The following ZCWPW2 variants were observed in gnomAD, a reference collection of about 807,000 sequenced individuals.
ZCWPW2 encodes the protein zinc finger CW-type PWWP domain protein 2.
A neutral mutation model predicts 46.6 loss-of-function variants in ZCWPW2; 45 were observed. The ratio of observed to expected loss-of-function variants is 0.96; its 90% CI spans 0.76 to 1.24. The LOEUF (loss-of-function observed/expected upper bound fraction) is 1.24. Ranked by LOEUF, ZCWPW2 falls within the 50% of genes most tolerant of loss-of-function variation. ZCWPW2 has a pLI of 0.00. For missense variants in ZCWPW2, 429 were observed against 403.9 expected, an observed-to-expected ratio of 1.06 and a Z score of -0.53; for synonymous variants, 152 against 137.1, an observed-to-expected ratio of 1.11 and a Z score of -0.76.
intron 6 of ZCWPW2, among the ~76,000 whole-genome samples, chr3:28,501,426 G>A (rs79342021): frequency 0.011 from 1,644 of 152,200 alleles, 30 homozygotes; most frequent in African/African-American, 0.038. Flanking sequence ...CACCTAGTGC[G>A]AGTGACTCCA....
chr3:28,420,683 T>C (rs1430752330), intron 3 of ZCWPW2, among the ~76,000 whole-genome samples: 3 of 152,118 alleles, frequency 2.0e-5, no homozygotes, highest in Admixed American at 6.6e-5. Flanking sequence ...GCTGCTGTGA[T>C]AAGCTTTCAC....
chr3:28,360,513 A>C (rs904495111), intron 1 of ZCWPW2, among the ~76,000 whole-genome samples: 1 of 150,602 alleles, frequency 6.6e-6, no homozygotes, highest in Non-Finnish European at 1.5e-5. Context: ...ACAGAGCAAG[A>C]CTTTGTCTGA....
intron 6 of ZCWPW2, among the ~76,000 whole-genome samples, chr3:28,500,816 T>C (rs1279877233): frequency 6.6e-6 from 1 of 152,166 alleles, no homozygotes; most frequent in Non-Finnish European, 1.5e-5. Context: ...ATAAATATAT[T>C]ATAGCAGATT....
intron 3 of ZCWPW2, among the ~76,000 whole-genome samples, chr3:28,430,211 G>C (rs1697198147): frequency 6.6e-6 from 1 of 152,250 alleles, no homozygotes; most frequent in African/African-American, 2.4e-5. Flanking sequence ...CAGGGGTGGA[G>C]CTGCCCAAGG....
intron 2 of ZCWPW2, among the ~76,000 whole-genome samples, chr3:28,394,803 C>T (rs1575084919): frequency 1.3e-5 from 2 of 152,090 alleles, no homozygotes; most frequent in Non-Finnish European, 2.9e-5. Context: ...AACTATATAA[C>T]TCCTGAGAGA....
At chr3:28,411,614 G>A (rs1348996513) in intron 2 of ZCWPW2, among the ~76,000 whole-genome samples, 2 of 152,028 alleles carry the variant, frequency 1.3e-5, no homozygotes, top group African/African-American at 2.4e-5. Flanking sequence ...GTCTAGCAAA[G>A]GGCAGAGACT....
intron 6 of ZCWPW2, 89 bp downstream of exon 6, chr3:28,492,262 A>G: frequency 8.2e-7 from 1 of 1,216,082 alleles, no homozygotes; most frequent in South Asian, 1.6e-5. Flanking sequence ...TTTAAAAACA[A>G]ACAATGACAT....
In ZCWPW2 at chr3:28,501,425, C is replaced by T. The variant is rs553974184; in HGVS notation, c.657+9252C>T. Among the ~76,000 whole-genome samples, 11 of 152,190 alleles carry T rather than the reference C, an allele frequency of 7.2e-5. No homozygotes were observed. The East Asian group carries it at 1.9e-3, about 27-fold the overall frequency. Reference sequence around the variant, plus strand: ...CAGTTTGATTACATGACACCTAGTGCGAGTGACTCCATTCTAGTTTGGTTT... The same window carrying T: ...CAGTTTGATTACATGACACCTAGTGTGAGTGACTCCATTCTAGTTTGGTTT... On this transcript the variant is annotated intron_variant, in intron 6 of 9. Transcript: ENST00000383768.
At chr3:28,364,578 A>G (rs1705058409) in intron 1 of ZCWPW2, among the ~76,000 whole-genome samples, 1 of 152,170 alleles carries the variant, frequency 6.6e-6, no homozygotes, top group South Asian at 2.1e-4. Flanking sequence ...CCAACAGTGT[A>G]AAACTATTCC....
intron 4 of ZCWPW2, among the ~76,000 whole-genome samples, chr3:28,472,240 G>T (rs1466021389): frequency 6.6e-6 from 1 of 152,118 alleles, no homozygotes; most frequent in African/African-American, 2.4e-5. Flanking sequence ...ATATTTATAT[G>T]TAACCACAAA....
intron 1 of ZCWPW2, among the ~76,000 whole-genome samples, chr3:28,370,387 T>G (rs1048896186): frequency 6.6e-6 from 1 of 152,216 alleles, no homozygotes; most frequent in Non-Finnish European, 1.5e-5. Flanking sequence ...TAAGTTGTGG[T>G]ATATTTTCAT....
chr3:28,467,248 C>A (rs2168799), intron 4 of ZCWPW2, among the ~76,000 whole-genome samples: 80,289 of 150,528 alleles, frequency 0.53, 21,956 homozygotes, highest in African/African-American at 0.58. Flanking sequence ...GAAAGACTTA[C>A]ATGAACAAAA....
chr3:28,477,587 G>A (rs970142004), intron 4 of ZCWPW2, among the ~76,000 whole-genome samples: 1 of 152,182 alleles, frequency 6.6e-6, no homozygotes, highest in Non-Finnish European at 1.5e-5. Flanking sequence ...TTTATGTGTA[G>A]TGGGAGCACA....
intron 1 of ZCWPW2, among the ~76,000 whole-genome samples, chr3:28,364,280 G>A (rs2125695748): frequency 6.6e-6 from 1 of 152,090 alleles, no homozygotes; most frequent in East Asian, 1.9e-4. Context: ...TGTTAAGTGT[G>A]CACATTGCAC....
rs150721108 is a variant in ZCWPW2, at chr3:28,441,692, G to A, written c.492+6423G>A. On this transcript the variant is annotated intron_variant, in intron 4 of 9. Transcript: ENST00000383768. ...TACCTTACTTGTGCCTTCAGGACCT[G>A]CTTGAGCCCGATCACATGTACCACT... Among the ~76,000 whole-genome samples, 102 of 152,254 alleles carry A rather than the reference G, an allele frequency of 6.7e-4. 2 individuals are homozygous for A. Among genetic ancestry groups the A allele is most frequent in the African/African-American group, 2.3e-3 (95 of 41,538 alleles).
At chr3:28,444,494 G>A (rs1317871173) in intron 4 of ZCWPW2, among the ~76,000 whole-genome samples, 5 of 152,144 alleles carry the variant, frequency 3.3e-5, no homozygotes, top group African/African-American at 1.2e-4. Flanking sequence ...TATAAATCTA[G>A]TGTCCCCAGC....
intron 3 of ZCWPW2, among the ~76,000 whole-genome samples, chr3:28,429,690 G>A (rs1697167506): frequency 6.6e-6 from 1 of 152,150 alleles, no homozygotes; most frequent in South Asian, 2.1e-4. Context: ...GGCCTAGGAG[G>A]AAATAATGGT....
intron 2 of ZCWPW2, among the ~76,000 whole-genome samples, chr3:28,392,408 T>C (rs1695528236): frequency 6.6e-6 from 1 of 152,162 alleles, no homozygotes; most frequent in African/African-American, 2.4e-5. Flanking sequence ...GGAGAGATCA[T>C]TCAGACAGAA....
At chr3:28,464,153 A>C (rs1020948361) in intron 4 of ZCWPW2, among the ~76,000 whole-genome samples, 5 of 151,754 alleles carry the variant, frequency 3.3e-5, no homozygotes, top group Admixed American at 2.0e-4. Context: ...ATTTTTTTGA[A>C]TGCCTGATGA....
Sources: allele counts gnomAD v4.1 joint callset (sites outside exome capture counted in the v4.1 genomes callset), GRCh38; gene constraint gnomAD v4.1.1; transcripts MANE v1.5; gene names NCBI Gene and HGNC (gene_info 2026-07-23, HGNC 2026-07-21).